Variants in TTN observed in about 807,000 individuals in gnomAD.
TTN encodes the protein connectin.
A neutral mutation model predicts 3,223.0 loss-of-function variants in TTN; 1,525 were observed. The ratio of observed to expected loss-of-function variants is 0.47; its 90% confidence interval spans 0.45 to 0.49. The LOEUF (loss-of-function observed/expected upper bound fraction) is 0.49. TTN is among the 20% of genes least tolerant of loss of function. The pLI is 0.00. For missense variants in TTN, 40,786 were observed against 43,424.0 expected, an observed-to-expected ratio of 0.94 and a Z score of 5.40; for synonymous variants, 14,094 against 15,161.0, an observed-to-expected ratio of 0.93 and a Z score of 5.17.
rs397517679 is a variant in TTN, at chr2:178,576,782, GTTC to G, written c.69459_69461del (p.Lys23153del). The G allele has an allele frequency of 1.2e-6, 2 of 1,613,420 alleles. No homozygotes were observed. Among genetic ancestry groups the G allele is most frequent in the Non-Finnish European group, 1.7e-6 (2 of 1,179,602 alleles). ...GCCTTTTCCAGCTGACAGTGGCAGT[GTTC>G]TTAGTGACATTTGATACCTCTGGTT... On this transcript the variant is annotated inframe_deletion, in exon 325 of 363. Transcript: ENST00000589042. This position sits in a 1 kb window ranked among gnomAD's most constrained non-coding sequence, Gnocchi z 4.3.
chr2:178,797,787 T>C (rs969744992), intron 6 of TTN, among the ~76,000 whole-genome samples: 1 of 152,200 alleles, frequency 6.6e-6, no homozygotes, highest in African/African-American at 2.4e-5. Context: ...GCTTTTGCCA[T>C]ACATACATGT....
intron 46 of TTN, among the ~76,000 whole-genome samples, chr2:178,754,620 G>A (rs2086445432): frequency 6.6e-6 from 1 of 152,052 alleles, no homozygotes; most frequent in African/African-American, 2.4e-5. Flanking sequence ...TGAAAAAATT[G>A]TCACACTGTC....
rs752582515 is a variant in TTN at position 178,534,451 on chromosome 2, A to G, written c.102164T>C (p.Val34055Ala). 45 of 1,612,974 alleles carry G rather than the reference A, an allele frequency of 2.8e-5. No homozygotes were observed. The Admixed American group carries it at 6.2e-4, about 22-fold the overall frequency. Residue 34055 changes from valine (V) to alanine (A), a missense_variant, in exon 358 of 363, where the codon GTG becomes GCG. Val to Ala is a moderately conservative substitution (Grantham distance 64, BLOSUM62 0). Coordinates refer to ENST00000589042, the MANE Select transcript of TTN (RefSeq NM_001267550.2). ...TGTCATGCGAGATTTCCTCTCTTTCACTAACAACCGGTCAACAAAATCCAT... is the reference window on the plus strand; with the variant it reads ...TGTCATGCGAGATTTCCTCTCTTTCGCTAACAACCGGTCAACAAAATCCAT... ...EAMDFVDRLL[V>A]KERKSRMTAS...
rs879206062 is a variant in TTN at position 178,533,815 on chromosome 2, T to A, written c.102800A>T (p.Lys34267Met). 1 of 1,613,976 alleles carries A rather than the reference T, an allele frequency of 6.2e-7. No individual in the cohort carries two copies. The highest frequency in any genetic ancestry group is 8.5e-7 in the Non-Finnish European group (1 of 1,179,842). Residue 34267 changes from lysine (K) to methionine (M), a missense_variant, in exon 358 of 363, where the codon AAG becomes ATG. Physicochemically the swap from Lys to Met is moderately conservative, Grantham distance 95. Coordinates refer to ENST00000589042, the MANE Select transcript of TTN (RefSeq NM_001267550.2). The part of the protein sequence containing the change: ...PPEFTLPLYN[K>M]TAYVGENVRF... ...GACATTTTCACCTACATAAGCTGTC[T>A]TATTATAGAGAGGCAGGGTAAATTC... is the stretch of plus-strand genomic sequence containing the variant.
rs758770391 is a variant in TTN at position 178,790,871 on chromosome 2, T to C, written c.1663-26A>G. On this transcript the variant is annotated intron_variant, in intron 10 of 362. Coordinates refer to ENST00000589042, the MANE Select transcript of TTN (RefSeq NM_001267550.2). ...CTGATGTTTAGAGTAAAATAAAGATTTGAGTTTCAAAAGATACAAAAGCAA... is the reference window on the plus strand; with the variant it reads ...CTGATGTTTAGAGTAAAATAAAGATCTGAGTTTCAAAAGATACAAAAGCAA... 4 of 1,613,386 alleles carry C rather than the reference T, an allele frequency of 2.5e-6. No individual in the cohort carries two copies. In the African/African-American group the frequency reaches 5.3e-5, roughly 22 times the overall value.
At position 178,722,403 on chromosome 2, in the gene TTN, C is replaced by G. The variant is rs12693166; in HGVS notation, c.22384G>C (p.Asp7462His). ...ACAAATGAAGTCTGTAGATTTTCAT[C>G]GTCTCTTAAAAGTACTCCATCTCTA... ...WYRDGVLLRD[D>H]ENLQTSFVDN... The change falls in exon 77 of 363, where the codon GAT becomes CAT. Residue 7462 changes from aspartate (D) to histidine (H), a missense_variant. Physicochemically the swap from Asp to His is moderately conservative, Grantham distance 81 (BLOSUM62 -1). Transcript: ENST00000589042. 0.16 allele frequency: 265,233 copies of G among 1,612,970 alleles called. 24,464 individuals carry two copies. The highest frequency in any genetic ancestry group is 0.44 in the East Asian group (19,847 of 44,806).
At position 178,740,532 on chromosome 2, in the gene TTN, A is replaced by G; in HGVS notation, c.12701T>C (p.Leu4234Pro). 6.2e-7 allele frequency: 1 copy of G among 1,613,812 alleles called. No individual in the cohort carries two copies. Among genetic ancestry groups the G allele is most frequent in the Non-Finnish European group, 8.5e-7 (1 of 1,179,814 alleles). The change falls in exon 48 of 363, where the codon CTT becomes CCT. Residue 4234 changes from leucine (L) to proline (P), a missense_variant. By Grantham distance (98) the Leu-to-Pro change is moderately conservative. Coordinates refer to ENST00000589042, the MANE Select transcript of TTN (RefSeq NM_001267550.2). ...AGATACTGTCTTTTCTTTTGGTGAA[A>G]GTACTTCCTCAGCCACAGAGGTTAG... ...SYLTSVAEEV[L>P]SPKEKTVSDT...
rs750201663 is a variant in TTN, at chr2:178,651,312, C to T, written c.39556G>A (p.Val13186Ile). The T allele has an allele frequency of 6.2e-7, 1 of 1,612,872 alleles. No homozygotes were observed. Among genetic ancestry groups the T allele is most frequent in the East Asian group, 2.2e-5 (1 of 44,842 alleles). The change falls in exon 208 of 363, where the codon GTT becomes ATT. Residue 13186 changes from valine to isoleucine, a missense_variant. Physicochemically the swap from Val to Ile is conservative, Grantham distance 29. Coordinates refer to ENST00000589042, the MANE Select transcript of TTN (RefSeq NM_001267550.2). ...TTTTCTGGAACAACTTCTTTTGGAA[C>T]TTCAGGCACTTCAAATATATTAGTA... The part of the protein sequence containing the change: ...PEAPPAKVPE[V>I]PKEVVPEKKV...
Position 178,600,978 on chromosome 2 carries a change from C to A in TTN, c.55926G>T (p.Leu18642=), listed in dbSNP as rs1270130661. 6.2e-7 allele frequency: 1 copy of A among 1,612,916 alleles called. No individual in the cohort carries two copies. Among genetic ancestry groups the A allele is most frequent in the Admixed American group, 1.7e-5 (1 of 59,930 alleles). ...RQCNKRDVEE[L]QFTVEDLVEG... is the part of the protein sequence containing the mutation. Reference sequence around the variant, plus strand: ...CTACTAGGTCTTCAACAGTAAATTGCAGTTCTTCCACATCACGCTTATTGC... The same window carrying A: ...CTACTAGGTCTTCAACAGTAAATTGAAGTTCTTCCACATCACGCTTATTGC... The change falls in exon 288 of 363, where the codon CTG becomes CTT. Residue 18642 remains leucine, a synonymous_variant. Transcript: ENST00000589042.
Position 178,584,272 on chromosome 2 carries a change from T to C in TTN, c.65275+4A>G. On this transcript the variant is annotated splice_donor_region_variant and intron_variant, in intron 311 of 362. Coordinates refer to ENST00000589042, the MANE Select transcript of TTN (RefSeq NM_001267550.2). ...AACAACAATAAAAAAACCCCAAAAC[T>C]TACCAACTGGCATTCTTGCAGTTAC... 6.5e-7 allele frequency: 1 copy of C among 1,546,030 alleles called. No homozygotes were observed. Among genetic ancestry groups the C allele is most frequent in the Non-Finnish European group, 8.7e-7 (1 of 1,148,200 alleles).
chr2:178,602,579 G>C lies in TTN; in HGVS notation c.54823C>G (p.Pro18275Ala), dbSNP rs765408419. 2.0e-6 allele frequency: 3 copies of C among 1,516,512 alleles called. No individual in the cohort carries two copies. In the Admixed American group the frequency reaches 7.4e-5, roughly 37 times the overall value. The allele number at this position is 1,516,512 out of a possible 1,614,324, so 93.9% of individuals were successfully genotyped here. A position where few individuals can be genotyped will look rare whatever the true frequency, so the allele number is the denominator to read the frequency against. ...VAGDPIFPPG[P>A]PSCPEVKDKT... ...TCTTTAACTTCTGGGCAAGAAGGTG[G>C]CCCCGGTGGAACTAATAACAAAAGA... is the stretch of plus-strand genomic sequence containing the variant. The change falls in exon 283 of 363, where the codon CCA (proline) becomes GCA (alanine). Residue 18275 changes from proline to alanine, a missense_variant. By Grantham distance (27) the Pro-to-Ala change is conservative (BLOSUM62 -1). Coordinates refer to ENST00000589042, the MANE Select transcript of TTN (RefSeq NM_001267550.2).
chr2:178,711,504 T>C (rs548323759), intron 96 of TTN, among the ~76,000 whole-genome samples, 155 bp from the exon 97 acceptor site: 2 of 152,186 alleles, frequency 1.3e-5, no homozygotes, highest in South Asian at 2.1e-4. Flanking sequence ...GAAAAGCATA[T>C]AGATTTCTGG....
Position 178,573,886 on chromosome 2 carries a change from A to C in TTN, c.72246T>G (p.Asp24082Glu). ...GTAKLEIKIA[D>E]FSTNLVNKDS... ...CTTTGTTTACCAGATTAGTAGAGAAATCTGCAATTTTTATTTCTAACTTTG... is the reference window on the plus strand; with the variant it reads ...CTTTGTTTACCAGATTAGTAGAGAACTCTGCAATTTTTATTTCTAACTTTG... Residue 24082 changes from aspartate to glutamate, a missense_variant, in exon 326 of 363, where the codon GAT becomes GAG. Asp to Glu is a conservative substitution (Grantham distance 45). Transcript: ENST00000589042. 2 of 1,611,330 alleles carry C rather than the reference A, an allele frequency of 1.2e-6. No homozygotes were observed. The highest frequency in any genetic ancestry group is 1.7e-6 in the Non-Finnish European group (2 of 1,177,958).
chr2:178,642,494 A>G (rs1010901654), intron 218 of TTN, among the ~76,000 whole-genome samples, 177 bp from the exon 219 acceptor site: 1 of 151,996 alleles, frequency 6.6e-6, no homozygotes, highest in Non-Finnish European at 1.5e-5. Context: ...CTCCTCTGCA[A>G]ATATCTATAC....
intron 47 of TTN, chr2:178,748,808 T>C: frequency 6.2e-7 from 1 of 1,611,882 alleles, no homozygotes; most frequent in Non-Finnish European, 8.5e-7. Context: ...CAGCTTTAAA[T>C]TTATTGCAAT....
intron 44 of TTN, 106 bp downstream of exon 44, chr2:178,758,878 A>G: frequency 8.6e-7 from 1 of 1,164,726 alleles, no homozygotes; most frequent in African/African-American, 1.5e-5. Context: ...TTAGAAGAGA[A>G]TGGTAGGAAC....
intron 316 of TTN, chr2:178,581,028 A>T (rs55706598): frequency 0.022 from 3,727 of 166,784 alleles, 70 homozygotes; most frequent in East Asian, 0.063. Context: ...AGGGTGACAT[A>T]TAATATCAAG....
At position 178,608,449 on chromosome 2, in the gene TTN, A is replaced by G. The variant is rs554368924; in HGVS notation, c.52434T>C (p.Ile17478=). The G allele has an allele frequency of 6.2e-7, 1 of 1,605,636 alleles. No individual in the cohort carries two copies. Among genetic ancestry groups the G allele is most frequent in the South Asian group, 1.1e-5 (1 of 89,800 alleles). The change falls in exon 275 of 363, where the codon ATT becomes ATC. Residue 17478 remains isoleucine, a synonymous_variant. Transcript: ENST00000589042. The part of the protein sequence containing the change: ...FGPPDAPDKP[I]VEDVTSNSML... ...TACTGTTGCTGGTAACATCTTCCAC[A>G]ATGGGCTTATCTGGTGCATCAGGTG...
chr2:178,679,926 T>C lies in TTN; in HGVS notation c.33548A>G (p.Glu11183Gly). Residue 11183 changes from glutamate to glycine, a missense_variant, in exon 140 of 363, where the codon GAG becomes GGG. Glu to Gly is a moderately conservative substitution (Grantham distance 98, BLOSUM62 -2). Transcript: ENST00000589042. ...YIHEEEEFITEEEVVPVIPVK... is the reference protein window; with the variant it reads ...YIHEEEEFITGEEVVPVIPVK... Reference sequence around the variant, plus strand: ...TGGTATCACTGGCACCACTTCTTCCTCAGTTATGAACTCCTCTTCTTCATG... The same window carrying C: ...TGGTATCACTGGCACCACTTCTTCCCCAGTTATGAACTCCTCTTCTTCATG... 1 of 1,613,170 alleles carries C rather than the reference T, an allele frequency of 6.2e-7. No individual in the cohort carries two copies. The highest frequency in any genetic ancestry group is 2.2e-5 in the East Asian group (1 of 44,866).
Sources: gnomAD v4.1 joint callset for allele counts (sites outside exome capture counted in the v4.1 genomes callset) on GRCh38, gnomAD v4.1.1 for gene constraint, Gnocchi (gnomAD v3.1) non-coding constraint, MANE v1.5 for transcripts, NCBI Gene and HGNC (gene_info 2026-07-23, HGNC 2026-07-21) for gene names.